The following DYRK1A variants were observed in gnomAD, a reference collection of about 807,000 sequenced individuals.
DYRK1A encodes dual specificity tyrosine-phosphorylation-regulated kinase 1A.
A neutral mutation model predicts 79.7 loss-of-function variants in DYRK1A; 9 were observed. The observed-to-expected ratio is 0.11, with a 90% confidence interval of 0.07 to 0.20. The LOEUF (loss-of-function observed/expected upper bound fraction) is 0.20, where lower values mean the gene tolerates loss of function less well. Among genes scored for constraint, DYRK1A ranks in the 10% least tolerant of loss-of-function variants. The pLI is 1.00. For missense variants in DYRK1A, 622 were observed against 956.0 expected, an observed-to-expected ratio of 0.65 and a Z score of 4.61; for synonymous variants, 349 against 329.7, an observed-to-expected ratio of 1.06 and a Z score of -0.63.
chr21:37,431,712 A>G (rs1263319958), intron 2 of DYRK1A, among the ~76,000 whole-genome samples: 1 of 152,226 alleles, frequency 6.6e-6, no homozygotes, highest in East Asian at 1.9e-4. Flanking sequence ...TAGACCAGCT[A>G]TACCCCCTAA....
chr21:37,418,044 C>T (rs540606236), intron 1 of DYRK1A, among the ~76,000 whole-genome samples: 2 of 151,994 alleles, frequency 1.3e-5, no homozygotes, highest in African/African-American at 2.4e-5. Context: ...AGAAGAAAAT[C>T]GTATCTGTAG....
intron 9 of DYRK1A, chr21:37,503,716 T>C (rs1291940923): frequency 6.6e-6 from 1 of 152,236 alleles, no homozygotes; most frequent in African/African-American, 2.4e-5. Flanking sequence ...TATTTTTTAG[T>C]TCTAGCATTT....
At chr21:37,390,919 T>G (rs541473922) in intron 1 of DYRK1A, among the ~76,000 whole-genome samples, 35 of 152,362 alleles carry the variant, frequency 2.3e-4, no homozygotes, top group African/African-American at 8.2e-4. Flanking sequence ...TTACCTGTTC[T>G]TTCTTTTGTG....
At chr21:37,501,669 T>G (rs9980200) in intron 9 of DYRK1A, 52,691 of 152,084 alleles carry the variant, frequency 0.35, 9,316 homozygotes, top group South Asian at 0.43. Flanking sequence ...TGGCCTAGCA[T>G]CTAATGTGTC....
At chr21:37,383,855 G>GTGTT (rs2049708500) in intron 1 of DYRK1A, among the ~76,000 whole-genome samples, 1 of 152,026 alleles carries the variant, frequency 6.6e-6, no homozygotes, top group Non-Finnish European at 1.5e-5. Flanking sequence ...GTGTGTGTGT[G>GTGTT]TGTGTAGTTG....
At chr21:37,387,870 G>A (rs2049790751) in intron 1 of DYRK1A, among the ~76,000 whole-genome samples, 1 of 152,120 alleles carries the variant, frequency 6.6e-6, no homozygotes, top group Non-Finnish European at 1.5e-5. Context: ...TGGCTTCATG[G>A]CCTTCTAGCT....
intron 2 of DYRK1A, chr21:37,421,730 A>T (rs1017403649): frequency 7.9e-5 from 12 of 152,086 alleles, no homozygotes; most frequent in Admixed American, 2.0e-4. Flanking sequence ...TTTTATGCAC[A>T]TTTTTTTGTT....
intron 2 of DYRK1A, among the ~76,000 whole-genome samples, chr21:37,470,845 T>C (rs535551130): frequency 6.6e-6 from 1 of 152,370 alleles, no homozygotes; most frequent in Non-Finnish European, 1.5e-5. Context: ...TGAACAAGGT[T>C]GTTTTACAGA....
intron 5 of DYRK1A, among the ~76,000 whole-genome samples, chr21:37,484,333 T>TTC (rs1303254890): frequency 6.6e-6 from 1 of 150,710 alleles, no homozygotes; most frequent in African/African-American, 2.4e-5. Context: ...AGGTCCCTTT[T>TTC]TTTTTTTTTT....
chr21:37,463,230 G>GTGTGTGTGTGTGTGTGTGTGTC lies in DYRK1A; in HGVS notation c.11-9451_11-9450insGTGTGTGTGTGTGTGTGTCTGT, dbSNP rs1247518875. ...TGTGTGTGTGTGTGTGTGTGTGTGTGTGTATCCTGTAGTAACACATATTGG... is the reference window on the plus strand; with the variant it reads ...TGTGTGTGTGTGTGTGTGTGTGTGTGTGTGTGTGTGTGTGTGTGTGTCTGTATCCTGTAGTAACACATATTGG... On this transcript the variant is annotated intron_variant, in intron 2 of 11. Coordinates refer to ENST00000647188, the MANE Select transcript of DYRK1A (RefSeq NM_001347721.2). Among the ~76,000 whole-genome samples, 5 of 146,194 alleles carry GTGTGTGTGTGTGTGTGTGTGTC rather than the reference G, an allele frequency of 3.4e-5. No individual in the cohort carries two copies. The East Asian group carries it at 1.0e-3, about 30-fold the overall frequency.
At chr21:37,375,207 A>G (rs2049513301) in intron 1 of DYRK1A, 1 of 152,202 alleles carries the variant, frequency 6.6e-6, no homozygotes, top group African/African-American at 2.4e-5. Flanking sequence ...TAATGTGAAT[A>G]TTTAAATACT....
At chr21:37,445,919 G>A (rs1308408152) in intron 2 of DYRK1A, among the ~76,000 whole-genome samples, 6 of 152,266 alleles carry the variant, frequency 3.9e-5, no homozygotes, top group East Asian at 3.9e-4. Context: ...TGAGGTGGGA[G>A]TATTGCTTGA....
chr21:37,512,626 G>T lies in DYRK1A; in HGVS notation c.*95G>T. On this transcript the variant is annotated 3_prime_UTR_variant, in exon 12 of 12. Coordinates refer to ENST00000647188, the MANE Select transcript of DYRK1A (RefSeq NM_001347721.2). ...TGCAAAGCTGCTTGAATCAGGAGGA[G>T]ATTAACACACTGAACCGCTACAAGA... 1 of 1,433,240 alleles carries T rather than the reference G, an allele frequency of 7.0e-7. No individual in the cohort carries two copies. Among genetic ancestry groups the T allele is most frequent in the Non-Finnish European group, 9.5e-7 (1 of 1,054,766 alleles). 88.8% of individuals were successfully genotyped at this position (1,433,240 alleles called of 1,614,324 possible).
At chr21:37,435,375 A>G (rs965709553) in intron 2 of DYRK1A, among the ~76,000 whole-genome samples, 1 of 152,158 alleles carries the variant, frequency 6.6e-6, no homozygotes, top group Non-Finnish European at 1.5e-5. Context: ...GTTCTGCTGC[A>G]TTGTGTTGCC....
rs1194565326 is a variant in DYRK1A at position 37,523,886 on chromosome 21, G to C, written c.*11355G>C. 6.6e-6 allele frequency: 1 copy of C among 152,182 alleles called. No homozygotes were observed. 9.4% of individuals were successfully genotyped at this position (152,182 alleles called of 1,614,324 possible). On this transcript the variant is annotated 3_prime_UTR_variant, in exon 12 of 12. Coordinates refer to ENST00000647188, the MANE Select transcript of DYRK1A (RefSeq NM_001347721.2). ...TGAGTAGTTGCTGCAGAGACCGTATGATGAGAATATGTGGCATTCTCATCA... is the reference window on the plus strand; with the variant it reads ...TGAGTAGTTGCTGCAGAGACCGTATCATGAGAATATGTGGCATTCTCATCA...
chr21:37,455,792 T>G (rs1369327170), intron 2 of DYRK1A, among the ~76,000 whole-genome samples: 3 of 152,208 alleles, frequency 2.0e-5, no homozygotes, highest in Non-Finnish European at 4.4e-5. Flanking sequence ...AGGTACCATT[T>G]TAAACATTAA....
chr21:37,425,444 G>A (rs780805284), intron 2 of DYRK1A, among the ~76,000 whole-genome samples: 1 of 152,018 alleles, frequency 6.6e-6, no homozygotes, highest in Non-Finnish European at 1.5e-5. Flanking sequence ...ATTACATTAT[G>A]TATGTGTCAT....
At chr21:37,384,640 A>G (rs1444228969) in intron 1 of DYRK1A, among the ~76,000 whole-genome samples, 17 of 152,338 alleles carry the variant, frequency 1.1e-4, no homozygotes, top group Non-Finnish European at 5.9e-5. Context: ...AGATTACTAA[A>G]TGTGTAAAGA....
chr21:37,498,778 T>C (rs144246289), intron 9 of DYRK1A, among the ~76,000 whole-genome samples: 4 of 152,344 alleles, frequency 2.6e-5, no homozygotes, highest in African/African-American at 9.6e-5. Context: ...TATTTTATAT[T>C]CCCATGATGT....
Sources: allele counts gnomAD v4.1 joint callset (sites outside exome capture counted in the v4.1 genomes callset), GRCh38; gene constraint gnomAD v4.1.1; transcripts MANE v1.5; gene names NCBI Gene and HGNC (gene_info 2026-07-23, HGNC 2026-07-21).